The following MYO1E variants were observed in gnomAD, a reference collection of about 807,000 sequenced individuals.
MYO1E encodes the protein myosin IE.
Under a neutral mutation model 151.1 loss-of-function variants are expected in MYO1E, and 68 were observed. The observed-to-expected ratio is 0.45, with a 90% CI of 0.37 to 0.55. The LOEUF (loss-of-function observed/expected upper bound fraction) is 0.55. MYO1E is among the 20% of genes least tolerant of loss of function. The pLI is 0.00. For synonymous variants in MYO1E, 601 were observed against 501.7 expected, an observed-to-expected ratio of 1.20 and a Z score of -2.64; for missense variants, 1,363 against 1,389.3, an observed-to-expected ratio of 0.98 and a Z score of 0.30.
chr15:59,195,373 A>G, intron 17 of MYO1E, 88 bp downstream of exon 17: 1 of 1,175,274 alleles, frequency 8.5e-7, no homozygotes, highest in South Asian at 1.2e-5. Flanking sequence ...CGGACAACTG[A>G]CACTGCTCCT....
chr15:59,272,008 A>T (rs1469635556), intron 2 of MYO1E, among the ~76,000 whole-genome samples: 1 of 152,282 alleles, frequency 6.6e-6, no homozygotes, highest in African/African-American at 2.4e-5. Context: ...CAAGTGATAT[A>T]AACATACAAA....
chr15:59,370,377 A>T (rs761825979), intron 1 of MYO1E, among the ~76,000 whole-genome samples: 1 of 152,264 alleles, frequency 6.6e-6, no homozygotes, highest in Non-Finnish European at 1.5e-5. Flanking sequence ...TTTTCAAGTC[A>T]GGAAAGAAAT....
Position 59,132,869 on chromosome 15 carries a change from G to C in MYO1E, c.*4511C>G, listed in dbSNP as rs1316354483. 6.6e-6 allele frequency: 1 copy of C among 152,182 alleles called. No individual in the cohort carries two copies. Among genetic ancestry groups the C allele is most frequent in the Admixed American group, 6.5e-5 (1 of 15,270 alleles). The allele number at this position is 152,182 out of a possible 1,614,324, so 9.4% of individuals were successfully genotyped here. A position where few individuals can be genotyped will look rare whatever the true frequency, so the allele number is the denominator to read the frequency against. On this transcript the variant is annotated 3_prime_UTR_variant, in exon 28 of 28. Coordinates refer to ENST00000288235, the MANE Select transcript of MYO1E (RefSeq NM_004998.4). ...TTTAAAGAGAAGGTTAATGGTCTTG[G>C]AAAGAGATGAATCAGAGGATTCAGA...
intron 12 of MYO1E, among the ~76,000 whole-genome samples, chr15:59,212,236 C>T (rs752873071): frequency 7.9e-5 from 12 of 151,910 alleles, no homozygotes; most frequent in Non-Finnish European, 1.5e-4. Flanking sequence ...GAGACTACTG[C>T]AGGAGACTGG....
At chr15:59,319,645 T>G (rs1164978629) in intron 1 of MYO1E, among the ~76,000 whole-genome samples, 5 of 143,416 alleles carry the variant, frequency 3.5e-5, no homozygotes, top group African/African-American at 1.3e-4. Flanking sequence ...GGTTCATGCC[T>G]GTGATCCCAG....
intron 1 of MYO1E, among the ~76,000 whole-genome samples, chr15:59,331,959 A>C (rs1009716292): frequency 3.3e-5 from 5 of 152,228 alleles, no homozygotes; most frequent in Non-Finnish European, 5.9e-5. Flanking sequence ...TTTCACAGTA[A>C]GGGTAACGTG....
intron 22 of MYO1E, among the ~76,000 whole-genome samples, chr15:59,163,601 C>A (rs2079549655): frequency 1.3e-5 from 2 of 151,948 alleles, no homozygotes; most frequent in African/African-American, 4.8e-5. Flanking sequence ...AAAAAAAATC[C>A]ATTTTCAAGT....
At chr15:59,276,093 G>A (rs2080317089) in intron 1 of MYO1E, among the ~76,000 whole-genome samples, 1 of 152,084 alleles carries the variant, frequency 6.6e-6, no homozygotes, top group Non-Finnish European at 1.5e-5. Flanking sequence ...TAGGGCTCTG[G>A]GGCAACTAAC....
intron 8 of MYO1E, 110 bp downstream of exon 8, chr15:59,224,579 G>C: frequency 7.0e-7 from 1 of 1,436,444 alleles, no homozygotes; most frequent in Non-Finnish European, 9.7e-7. Context: ...CAGAGAAAGA[G>C]GCGGACATTT....
At chr15:59,323,739 C>T (rs1195311586) in intron 1 of MYO1E, among the ~76,000 whole-genome samples, 1 of 151,984 alleles carries the variant, frequency 6.6e-6, no homozygotes, top group Non-Finnish European at 1.5e-5. Flanking sequence ...TTGCTGTGTG[C>T]TACAGGGCCC....
intron 1 of MYO1E, among the ~76,000 whole-genome samples, chr15:59,335,581 C>T (rs1256942652): frequency 6.6e-6 from 1 of 152,150 alleles, no homozygotes; most frequent in Non-Finnish European, 1.5e-5. Context: ...TGGAAAAGTA[C>T]AAGAGACCCG....
chr15:59,371,692 C>A (rs1415762562), intron 1 of MYO1E, among the ~76,000 whole-genome samples: 3 of 152,148 alleles, frequency 2.0e-5, no homozygotes, highest in Non-Finnish European at 4.4e-5. Flanking sequence ...TCTTCCCGTG[C>A]GAAGCGTCCC....
intron 16 of MYO1E, among the ~76,000 whole-genome samples, chr15:59,196,796 T>A (rs1304338539): frequency 6.6e-6 from 1 of 152,064 alleles, no homozygotes; most frequent in African/African-American, 2.4e-5. Flanking sequence ...AAAAGTAAAT[T>A]GCCTCTTATG....
At chr15:59,343,104 T>G (rs1479931509) in intron 1 of MYO1E, among the ~76,000 whole-genome samples, 1 of 152,224 alleles carries the variant, frequency 6.6e-6, no homozygotes. Flanking sequence ...ACCAGTGAGT[T>G]TTGTACCTTC....
chr15:59,216,723 C>CAT lies in MYO1E; in HGVS notation c.1107+1166_1107+1167dup, dbSNP rs1236977736. Among the ~76,000 whole-genome samples the CAT allele has an allele frequency of 2.6e-5, 3 of 116,454 alleles. 1 individual carries two copies. Among genetic ancestry groups the CAT allele is most frequent in the African/African-American group, 1.1e-4 (3 of 27,324 alleles). 76.4% of individuals were successfully genotyped at this position (116,454 alleles called of 152,430 possible). A position where few individuals can be genotyped will look rare whatever the true frequency, so the allele number is the denominator to read the frequency against. ...ACACACACACACACACACACACACA[C>CAT]ATAATTATGCCATAACCAAAAATAT... is the stretch of plus-strand genomic sequence containing the variant. On this transcript the variant is annotated intron_variant, in intron 10 of 27. Coordinates refer to ENST00000288235, the MANE Select transcript of MYO1E (RefSeq NM_004998.4).
rs576025535 is a variant in MYO1E, at chr15:59,165,584, C to A, written c.2481-2281G>T. ...GACGGTTTTCATCTCCGTCACTCAA[C>A]AGCTCATGCAAAGGCAATTCAGGGC... On this transcript the variant is annotated intron_variant, in intron 22 of 27. Coordinates refer to ENST00000288235, the MANE Select transcript of MYO1E (RefSeq NM_004998.4). Among the ~76,000 whole-genome samples, 11 of 152,320 alleles carry A rather than the reference C, an allele frequency of 7.2e-5. No homozygotes were observed. The East Asian group carries it at 1.9e-3, about 27-fold the overall frequency.
chr15:59,367,624 T>A lies in MYO1E; in HGVS notation c.3+4874A>T, dbSNP rs1193498410. 2.6e-5 allele frequency among the ~76,000 whole-genome samples: 4 copies of A among 152,184 alleles called. 1 individual carries two copies. Among genetic ancestry groups the A allele is most frequent in the Admixed American group, 2.0e-4 (3 of 15,274 alleles). On this transcript the variant is annotated intron_variant, in intron 1 of 27. Transcript: ENST00000288235. ...ATTCCCTCTCTTTAGGGAGACCCAG[T>A]AGGAAGGTGTGGATGTATGGATAAA... is the stretch of plus-strand genomic sequence containing the variant.
intron 25 of MYO1E, among the ~76,000 whole-genome samples, chr15:59,157,193 TCCAGTTGGGCAACTGAGACC>T (rs1333801760): frequency 6.6e-6 from 1 of 152,088 alleles, no homozygotes; most frequent in Non-Finnish European, 1.5e-5. Flanking sequence ...ACCACTGCAC[TCCAGTTGGGCAACTGAGACC>T]CCATCCCAAA....
Position 59,326,220 on chromosome 15 carries a change from G to C in MYO1E, c.3+46278C>G, listed in dbSNP as rs866736895. On this transcript the variant is annotated intron_variant, in intron 1 of 27. Transcript: ENST00000288235. ...ATAATTCACACTTCTCTGGAAAAGCGCACAGTAGAATTGGGTGGGACGGGC... is the reference window on the plus strand; with the variant it reads ...ATAATTCACACTTCTCTGGAAAAGCCCACAGTAGAATTGGGTGGGACGGGC... Among the ~76,000 whole-genome samples the C allele has an allele frequency of 2.0e-5, 3 of 151,900 alleles. No homozygotes were observed. The South Asian group carries it at 6.2e-4, about 32-fold the overall frequency.
Sources: allele counts gnomAD v4.1 joint callset (sites outside exome capture counted in the v4.1 genomes callset), GRCh38; gene constraint gnomAD v4.1.1; transcripts MANE v1.5; gene names NCBI Gene and HGNC (gene_info 2026-07-23, HGNC 2026-07-21).